Variants in LRRC49 observed in about 807,000 individuals in gnomAD.
The protein encoded by LRRC49 is leucine rich repeat containing 49.
In LRRC49, 50 loss-of-function variants were observed where a neutral mutation model predicts 83.3. That is an observed-to-expected ratio of 0.60 (90% CI 0.48 to 0.76). The LOEUF is 0.76. Among genes scored for constraint, LRRC49 ranks in the 30% least tolerant of loss-of-function variants. The pLI, the probability that LRRC49 is intolerant of heterozygous loss-of-function variation, is 0.00. For synonymous variants in LRRC49, 286 were observed against 283.3 expected, an observed-to-expected ratio of 1.01 and a Z score of -0.10; for missense variants, 704 against 809.1, an observed-to-expected ratio of 0.87 and a Z score of 1.58.
upstream of LRRC49, among the ~76,000 whole-genome samples, chr15:70,890,719 T>G (rs374897176): frequency 4.7e-4 from 71 of 152,244 alleles, 2 homozygotes; most frequent in South Asian, 0.011. Flanking sequence ...AAGACTTAAT[T>G]GGCAATGATG....
At chr15:71,040,429 G>A (rs1356682724) in intron 15 of LRRC49, among the ~76,000 whole-genome samples, 1 of 152,130 alleles carries the variant, frequency 6.6e-6, no homozygotes, top group Non-Finnish European at 1.5e-5. Flanking sequence ...AAGGGGTTTT[G>A]CAGACATGAT....
In LRRC49 at chr15:70,898,617, T is replaced by TA. The variant is rs1268467402; in HGVS notation, c.194-2297dup. Among the ~76,000 whole-genome samples, 9 of 151,792 alleles carry TA rather than the reference T, an allele frequency of 5.9e-5. No homozygotes were observed. In the East Asian group the frequency reaches 7.8e-4, roughly 13 times the overall value. On this transcript the variant is annotated intron_variant, in intron 3 of 15. Coordinates refer to ENST00000260382, the MANE Select transcript of LRRC49 (RefSeq NM_017691.5). The stretch of plus-strand genomic sequence containing the variant: ...GGGTAATATGATGAAACCCCATCTG[T>TA]AAAAAAAATACAAAAATTAGCTGGG...
intron 14 of LRRC49, among the ~76,000 whole-genome samples, chr15:71,026,444 G>A (rs1438009015): frequency 6.6e-6 from 1 of 152,098 alleles, no homozygotes; most frequent in Non-Finnish European, 1.5e-5. Context: ...TAATAGGATT[G>A]CTGGGTCAAA....
intron 15 of LRRC49, among the ~76,000 whole-genome samples, chr15:71,040,395 A>G (rs1341788692): frequency 1.3e-5 from 2 of 152,132 alleles, no homozygotes; most frequent in Non-Finnish European, 2.9e-5. Flanking sequence ...TCTTGCCTTT[A>G]ACCAGTGGAA....
Position 71,037,309 on chromosome 15 carries a change from G to T in LRRC49, c.1834G>T (p.Asp612Tyr). The stretch of plus-strand genomic sequence containing the variant: ...TGCTACATTAAATTATACTACAAGA[G>T]ACTTTTATAATGAAAAGCTAGAGGT... ...NRATLNYTTRDFYNEKLEEIK... is the reference protein window; with the variant it reads ...NRATLNYTTRYFYNEKLEEIK... The change falls in exon 15 of 16, where the codon GAC (aspartate) becomes TAC (tyrosine). Residue 612 changes from aspartate to tyrosine, a missense_variant. Physicochemically the swap from Asp to Tyr is radical, Grantham distance 160. Transcript: ENST00000260382. 1 of 1,600,550 alleles carries T rather than the reference G, an allele frequency of 6.2e-7. No homozygotes were observed. Among genetic ancestry groups the T allele is most frequent in the South Asian group, 1.1e-5 (1 of 88,564 alleles).
At chr15:71,044,428 C>T (rs911000938) in intron 15 of LRRC49, among the ~76,000 whole-genome samples, 8 of 152,140 alleles carry the variant, frequency 5.3e-5, no homozygotes, top group African/African-American at 1.7e-4. Flanking sequence ...AAAGTTAGTG[C>T]AGGTTGGACT....
chr15:71,028,524 C>T lies in LRRC49; in HGVS notation c.1704-8655C>T, dbSNP rs373141412. 4.0e-5 allele frequency among the ~76,000 whole-genome samples: 6 copies of T among 151,670 alleles called. No individual in the cohort carries two copies. In the East Asian group the frequency reaches 7.8e-4, roughly 20 times the overall value. ...GGAATAGTTTCAGAAGGAATGCTAC[C>T]GGCTCCTCTTTGTACCTCTGGTAGA... On this transcript the variant is annotated intron_variant, in intron 14 of 15. Transcript: ENST00000260382.
chr15:70,904,483 T>C (rs953412700), intron 4 of LRRC49, 69 bp from the exon 5 acceptor site: 42 of 1,039,702 alleles, frequency 4.0e-5, no homozygotes, highest in Non-Finnish European at 5.3e-5. Context: ...AAGATACTAC[T>C]AATAATATTT....
chr15:71,007,044 G>T (rs1424391439), intron 11 of LRRC49, among the ~76,000 whole-genome samples: 1 of 151,866 alleles, frequency 6.6e-6, no homozygotes, highest in Non-Finnish European at 1.5e-5. Flanking sequence ...ATTGTCTTAA[G>T]TGCTAGTCTG....
intron 9 of LRRC49, among the ~76,000 whole-genome samples, chr15:70,968,091 A>G (rs2036855616): frequency 6.6e-6 from 1 of 152,020 alleles, no homozygotes. Context: ...TGCACCTATC[A>G]ACCCGTAATC....
At chr15:70,868,789 T>C (rs2032965690) in intron 1 of LRRC49, among the ~76,000 whole-genome samples, 2 of 152,258 alleles carry the variant, frequency 1.3e-5, no homozygotes, top group African/African-American at 4.8e-5. Flanking sequence ...TCATGCTTTG[T>C]TTCGTTTTTC....
chr15:71,038,114 A>G (rs986128995), intron 15 of LRRC49, among the ~76,000 whole-genome samples: 2 of 152,218 alleles, frequency 1.3e-5, no homozygotes, highest in Non-Finnish European at 2.9e-5. Context: ...CTCATGTGCA[A>G]GGTGCTGTAT....
Position 71,016,030 on chromosome 15 carries a change from G to A in LRRC49, c.1703+3117G>A, listed in dbSNP as rs2038815772. 2.0e-5 allele frequency among the ~76,000 whole-genome samples: 3 copies of A among 152,160 alleles called. No homozygotes were observed. In the South Asian group the frequency reaches 6.2e-4, roughly 32 times the overall value. On this transcript the variant is annotated intron_variant, in intron 14 of 15. Transcript: ENST00000260382. ...ACAATTGTATAGTATGCTGCAATTT[G>A]TGAGAAATGGGGCATATGTGTCAAA...
At chr15:70,965,972 G>A (rs2036779433) in intron 9 of LRRC49, among the ~76,000 whole-genome samples, 1 of 152,020 alleles carries the variant, frequency 6.6e-6, no homozygotes, top group South Asian at 2.1e-4. Context: ...TGTAAATAAA[G>A]TTGTATTGGA....
chr15:70,888,856 T>G (rs896096816), upstream of LRRC49, among the ~76,000 whole-genome samples: 1 of 152,184 alleles, frequency 6.6e-6, no homozygotes, highest in Non-Finnish European at 1.5e-5. Flanking sequence ...GAAAAGGTGT[T>G]TCCTTACTAA....
chr15:70,906,815 T>C (rs1300077614), intron 5 of LRRC49, among the ~76,000 whole-genome samples: 2 of 152,256 alleles, frequency 1.3e-5, no homozygotes, highest in Non-Finnish European at 2.9e-5. Flanking sequence ...TGTGTCTTTT[T>C]CCTCTTTCTA....
At chr15:70,943,057 T>C (rs2035880256) in intron 8 of LRRC49, among the ~76,000 whole-genome samples, 1 of 152,152 alleles carries the variant, frequency 6.6e-6, no homozygotes, top group African/African-American at 2.4e-5. Context: ...ATCTGGCAAT[T>C]GTTTTGATTG....
chr15:70,886,113 G>C (rs1014784943), intron 2 of LRRC49, among the ~76,000 whole-genome samples: 47 of 152,048 alleles, frequency 3.1e-4, no homozygotes, highest in Non-Finnish European at 7.4e-5. Context: ...ATGGAAATTA[G>C]ATATTTTATA....
chr15:70,924,798 T>C (rs538549950), intron 7 of LRRC49, among the ~76,000 whole-genome samples: 2 of 151,978 alleles, frequency 1.3e-5, no homozygotes, highest in Non-Finnish European at 2.9e-5. Flanking sequence ...AAAAATGAGT[T>C]TATTTTGCTT....
Sources: gnomAD v4.1 joint callset for allele counts (sites outside exome capture counted in the v4.1 genomes callset) on GRCh38, gnomAD v4.1.1 for gene constraint, MANE v1.5 for transcripts, NCBI Gene and HGNC (gene_info 2026-07-23, HGNC 2026-07-21) for gene names.